The following SNAP23 variants were observed in gnomAD, a reference collection of about 807,000 sequenced individuals.
The protein encoded by SNAP23 is synaptosomal-associated protein 23.
A neutral mutation model predicts 29.0 loss-of-function variants in SNAP23; 11 were observed. That is an observed-to-expected ratio of 0.38 (90% confidence interval 0.24 to 0.63). SNAP23 has a LOEUF of 0.63. Ranked by LOEUF, SNAP23 falls within the 20% of genes least tolerant of loss-of-function variation. The probability of loss-of-function intolerance (pLI) is 0.58; values close to 1 mark genes in which losing one functional copy is unlikely to be tolerated. For missense variants in SNAP23, 220 were observed against 253.9 expected (o/e 0.87, Z 0.91); for synonymous variants, 60 against 82.9 (o/e 0.72, Z 1.50).
At chr15:42,494,154 A>G (rs2141489765), upstream of SNAP23, among the ~76,000 whole-genome samples, 1 of 152,182 alleles carries the variant, frequency 6.6e-6, no homozygotes, top group East Asian at 1.9e-4. Flanking sequence ...TTGATCCTTC[A>G]TCATTCTCCC....
intron 1 of SNAP23, among the ~76,000 whole-genome samples, chr15:42,497,258 G>C (rs2141495398): frequency 6.7e-6 from 1 of 149,538 alleles, no homozygotes; most frequent in East Asian, 2.0e-4. Flanking sequence ...GCTCAGGCTG[G>C]AGTGCAGTGG....
intron 1 of SNAP23, among the ~76,000 whole-genome samples, chr15:42,501,473 C>T (rs1161249917): frequency 1.3e-5 from 2 of 152,108 alleles, no homozygotes; most frequent in African/African-American, 4.8e-5. Context: ...GATCATAGCT[C>T]GCTGCAGCCT....
chr15:42,494,510 CT>C (rs71108164), upstream of SNAP23, among the ~76,000 whole-genome samples: 108,079 of 122,442 alleles, frequency 0.88, 47,856 homozygotes, highest in Middle Eastern at 0.96. Context: ...TTTTTTCTTT[CT>C]TTTTTTTTTT....
intron 5 of SNAP23, chr15:42,527,883 T>A (rs903518735): frequency 1.8e-5 from 3 of 164,256 alleles, no homozygotes; most frequent in Admixed American, 1.2e-4. Context: ...GACCTTTTTT[T>A]AAGTAATGTG....
chr15:42,519,491 C>A (rs2057425929), intron 5 of SNAP23, among the ~76,000 whole-genome samples: 1 of 151,750 alleles, frequency 6.6e-6, no homozygotes, highest in Admixed American at 6.6e-5. Flanking sequence ...CATGCCTCAA[C>A]CACCCAAGTA....
intron 5 of SNAP23, among the ~76,000 whole-genome samples, chr15:42,520,249 C>T (rs1595526219): frequency 6.6e-6 from 1 of 151,352 alleles, no homozygotes; most frequent in Admixed American, 6.6e-5. Flanking sequence ...TGAGGTTTCA[C>T]CATGTTGGTC....
Position 42,529,773 on chromosome 15 carries a change from A to G in SNAP23, c.524A>G (p.Asn175Ser). The change falls in exon 7 of 8, where the codon AAT becomes AGT. Residue 175 changes from asparagine (N) to serine (S), a missense_variant. Asn to Ser is a conservative substitution (Grantham distance 46, BLOSUM62 1). Transcript: ENST00000249647. ...AAAGACATGGCCCTGAACATAGGCA[A>G]TGAGATTGATGCTCAAAATCCACAA... Reference protein sequence around the residue: ...NLKDMALNIGNEIDAQNPQIK... With the variant: ...NLKDMALNIGSEIDAQNPQIK... 6 of 1,613,836 alleles carry G rather than the reference A, an allele frequency of 3.7e-6. No individual in the cohort carries two copies. The highest frequency in any genetic ancestry group is 2.2e-5 in the East Asian group (1 of 44,880).
At chr15:42,515,397 G>T in intron 5 of SNAP23, 43 bp downstream of exon 5, 1 of 1,197,884 alleles carries the variant, frequency 8.3e-7, no homozygotes. Context: ...AGTAATGAGA[G>T]TACCCCACCT....
In SNAP23 at chr15:42,530,865, G is replaced by A. The variant is rs145008961; in HGVS notation, c.571-548G>A. Among the ~76,000 whole-genome samples, 438 of 152,298 alleles carry A rather than the reference G, an allele frequency of 2.9e-3. 1 individual carries two copies. The highest frequency in any genetic ancestry group is 5.2e-3 in the Non-Finnish European group (353 of 68,016). On this transcript the variant is annotated intron_variant, in intron 7 of 7. Coordinates refer to ENST00000249647, the MANE Select transcript of SNAP23 (RefSeq NM_003825.4). ...TTTTGATGGATTTAATTGAAACAGT[G>A]GTTCACAAGATGCTTTAAATGCTGC...
chr15:42,529,291 CTG>C (rs1241110738), intron 6 of SNAP23, among the ~76,000 whole-genome samples: 2 of 152,210 alleles, frequency 1.3e-5, no homozygotes, highest in Non-Finnish European at 2.9e-5. Context: ...ATAGACTTAA[CTG>C]TGCATTAGAA....
chr15:42,511,998 T>TA, intron 2 of SNAP23, 95 bp downstream of exon 2: 1 of 636,888 alleles, frequency 1.6e-6, no homozygotes, highest in Non-Finnish European at 2.6e-6. Context: ...GGCCTCTTCC[T>TA]AGTCCATTAA....
At chr15:42,506,887 C>T (rs58122107) in intron 1 of SNAP23, among the ~76,000 whole-genome samples, 7,908 of 151,432 alleles carry the variant, frequency 0.052, 585 homozygotes, top group African/African-American at 0.16. Context: ...GATGCCATCT[C>T]GGCTCACTGT....
chr15:42,508,356 A>G (rs1228955067), intron 1 of SNAP23, among the ~76,000 whole-genome samples: 1 of 152,196 alleles, frequency 6.6e-6, no homozygotes, highest in African/African-American at 2.4e-5. Flanking sequence ...TTATATCTGC[A>G]GGTTCCTCAG....
intron 1 of SNAP23, among the ~76,000 whole-genome samples, chr15:42,503,646 A>G (rs1403370765): frequency 6.6e-6 from 1 of 152,116 alleles, no homozygotes; most frequent in Non-Finnish European, 1.5e-5. Flanking sequence ...CTAGGATTAC[A>G]GGCGTGAGCC....
intron 1 of SNAP23, among the ~76,000 whole-genome samples, chr15:42,509,206 T>C (rs1024717615): frequency 1.3e-5 from 2 of 152,258 alleles, no homozygotes; most frequent in Non-Finnish European, 2.9e-5. Context: ...AACAGTAGCA[T>C]GGACATGTGT....
At chr15:42,500,389 CTTTT>C (rs769547908) in intron 1 of SNAP23, among the ~76,000 whole-genome samples, 2 of 138,604 alleles carry the variant, frequency 1.4e-5, no homozygotes, top group Non-Finnish European at 1.6e-5. Context: ...TTTCTTTTCC[CTTTT>C]TTTTTTTTTT....
At chr15:42,513,884 G>T (rs2057377613) in intron 4 of SNAP23, among the ~76,000 whole-genome samples, 1 of 152,068 alleles carries the variant, frequency 6.6e-6, no homozygotes, top group Non-Finnish European at 1.5e-5. Context: ...CGTGATCTTG[G>T]CTCACTGCAA....
intron 5 of SNAP23, among the ~76,000 whole-genome samples, chr15:42,523,405 A>G (rs950437139): frequency 2.6e-5 from 4 of 152,196 alleles, no homozygotes; most frequent in Non-Finnish European, 4.4e-5. Context: ...GACTAAAACA[A>G]CCTGGTCCTA....
At chr15:42,495,611 A>G (rs539607657), upstream of SNAP23, 1 of 152,342 alleles carries the variant, frequency 6.6e-6, no homozygotes, top group Non-Finnish European at 1.5e-5. Context: ...GGAAGTGAGC[A>G]GGCGCGCGGG....
Sources: allele counts gnomAD v4.1 joint callset (sites outside exome capture counted in the v4.1 genomes callset), GRCh38; gene constraint gnomAD v4.1.1; transcripts MANE v1.5; gene names NCBI Gene and HGNC (gene_info 2026-07-23, HGNC 2026-07-21).